Variants in TIAM1 observed in about 807,000 individuals in gnomAD.
TIAM1 encodes the protein rho guanine nucleotide exchange factor TIAM1.
A neutral mutation model predicts 163.5 loss-of-function variants in TIAM1; 65 were observed. The observed-to-expected ratio is 0.40, with a 90% CI of 0.33 to 0.49. TIAM1 has a LOEUF of 0.49. Ranked by LOEUF, TIAM1 falls within the 20% of genes least tolerant of loss-of-function variation. TIAM1 has a pLI of 0.77. For missense variants in TIAM1, 1,789 were observed against 2,044.7 expected, an observed-to-expected ratio of 0.87 and a Z score of 2.41; for synonymous variants, 833 against 810.1, an observed-to-expected ratio of 1.03 and a Z score of -0.48.
intron 23 of TIAM1, among the ~76,000 whole-genome samples, chr21:31,134,692 G>A (rs750792875): frequency 6.6e-5 from 10 of 152,078 alleles, no homozygotes; most frequent in Non-Finnish European, 1.2e-4. Context: ...TGTATTTTTA[G>A]TAAGGACGGG....
chr21:31,333,486 G>A (rs1293172229), intron 2 of TIAM1, among the ~76,000 whole-genome samples: 1 of 152,050 alleles, frequency 6.6e-6, no homozygotes, highest in African/African-American at 2.4e-5. Flanking sequence ...CTCCCAGGCC[G>A]GAGTGCAGTG....
At chr21:31,170,860 A>AC (rs1219025511) in intron 15 of TIAM1, among the ~76,000 whole-genome samples, 1 of 151,630 alleles carries the variant, frequency 6.6e-6, no homozygotes, top group Non-Finnish European at 1.5e-5. Flanking sequence ...ACATGGTGAA[A>AC]CCCCATCTCT....
At chr21:31,513,234 A>G (rs545506697) in intron 1 of TIAM1, among the ~76,000 whole-genome samples, 3 of 152,282 alleles carry the variant, frequency 2.0e-5, no homozygotes, top group African/African-American at 7.2e-5. Context: ...ATATTAACTC[A>G]TTTAATCCTC....
chr21:31,282,477 T>C (rs2073611753), intron 2 of TIAM1, among the ~76,000 whole-genome samples: 1 of 152,116 alleles, frequency 6.6e-6, no homozygotes, highest in Non-Finnish European at 1.5e-5. Context: ...CATGACTGAG[T>C]GGGGGTGACC....
intron 15 of TIAM1, among the ~76,000 whole-genome samples, chr21:31,174,003 C>T (rs1400564209): frequency 6.6e-6 from 1 of 152,154 alleles, no homozygotes; most frequent in African/African-American, 2.4e-5. Flanking sequence ...GTTTACGAGG[C>T]GCGCGTGTCT....
chr21:31,535,487 T>A (rs13050704), intron 1 of TIAM1, among the ~76,000 whole-genome samples: 24,050 of 151,664 alleles, frequency 0.16, 2,025 homozygotes, highest in Non-Finnish European at 0.18. Context: ...GGGCTCTGAT[T>A]CCTTAAATTA....
At chr21:31,274,214 CA>C (rs11398409) in intron 3 of TIAM1, among the ~76,000 whole-genome samples, 26 of 146,276 alleles carry the variant, frequency 1.8e-4, no homozygotes, top group South Asian at 8.7e-4. Flanking sequence ...GACTCCTTCT[CA>C]AAAAAAAAAG....
intron 1 of TIAM1, among the ~76,000 whole-genome samples, chr21:31,466,117 T>C (rs1202208908): frequency 6.6e-6 from 1 of 152,188 alleles, no homozygotes; most frequent in Non-Finnish European, 1.5e-5. Flanking sequence ...ATTCTGACAT[T>C]TTTTACAAAT....
At chr21:31,222,690 TATATATATATA>T in intron 8 of TIAM1, among the ~76,000 whole-genome samples, 1 of 35,212 alleles carries the variant, frequency 2.8e-5, no homozygotes, top group African/African-American at 1.5e-4. Flanking sequence ...TATATATATA[TATATATATATA>T]TATATATTTT....
At chr21:31,200,500 T>G (rs920460185) in intron 12 of TIAM1, among the ~76,000 whole-genome samples, 3 of 152,254 alleles carry the variant, frequency 2.0e-5, no homozygotes, top group African/African-American at 7.2e-5. Flanking sequence ...ATGTTTTAGC[T>G]GCTGCTAGTG....
chr21:31,176,200 T>G (rs935756500), intron 15 of TIAM1, among the ~76,000 whole-genome samples: 1 of 152,122 alleles, frequency 6.6e-6, no homozygotes, highest in Non-Finnish European at 1.5e-5. Context: ...TAGCCCAGAT[T>G]GTTAATATTG....
chr21:31,493,225 G>A lies in TIAM1; in HGVS notation c.-421-29190C>T, dbSNP rs2046533889. Among the ~76,000 whole-genome samples, 3 of 152,226 alleles carry A rather than the reference G, an allele frequency of 2.0e-5. No individual in the cohort carries two copies. The South Asian group carries it at 6.2e-4, about 31-fold the overall frequency. ...GAACTCTTTCTGGAAGGTGAGAAATGAGGGAAAGCATGAAGGAAGATGAAT... is the reference window on the plus strand; with the variant it reads ...GAACTCTTTCTGGAAGGTGAGAAATAAGGGAAAGCATGAAGGAAGATGAAT... On this transcript the variant is annotated intron_variant, in intron 1 of 28. Coordinates refer to the TIAM1 transcript ENST00000286827.
intron 5 of TIAM1, among the ~76,000 whole-genome samples, chr21:31,248,754 T>A (rs1162557686): frequency 6.6e-6 from 1 of 152,038 alleles, no homozygotes. Context: ...TGGGAACCCA[T>A]CAGGATGAAG....
intron 2 of TIAM1, among the ~76,000 whole-genome samples, chr21:31,438,945 C>A (rs1217097249): frequency 6.6e-6 from 1 of 152,192 alleles, no homozygotes; most frequent in Non-Finnish European, 1.5e-5. Context: ...AAATAATAAT[C>A]TAAATTGATC....
intron 2 of TIAM1, among the ~76,000 whole-genome samples, chr21:31,295,469 C>CAAAA (rs1215751004): frequency 0.014 from 952 of 65,806 alleles, 52 homozygotes; most frequent in African/African-American, 0.045. Flanking sequence ...GACTCCATCA[C>CAAAA]AAAAAAAAAA....
intron 2 of TIAM1, among the ~76,000 whole-genome samples, chr21:31,280,606 TG>T (rs1394112519): frequency 6.6e-6 from 1 of 152,170 alleles, no homozygotes; most frequent in Non-Finnish European, 1.5e-5. Context: ...ATGTGTGTAC[TG>T]GAAGTATTAC....
At chr21:31,268,645 T>C (rs2072907122) in intron 3 of TIAM1, among the ~76,000 whole-genome samples, 1 of 152,194 alleles carries the variant, frequency 6.6e-6, no homozygotes, top group African/African-American at 2.4e-5. Flanking sequence ...AATCTCTTTT[T>C]TACTAGGAGC....
chr21:31,490,647 C>G (rs1569379391), intron 1 of TIAM1, among the ~76,000 whole-genome samples: 1 of 152,184 alleles, frequency 6.6e-6, no homozygotes, highest in East Asian at 1.9e-4. Flanking sequence ...TGGGTTAGGG[C>G]TGGCCATGTG....
chr21:31,329,783 G>A (rs1806492599), intron 2 of TIAM1, among the ~76,000 whole-genome samples: 1 of 152,170 alleles, frequency 6.6e-6, no homozygotes, highest in African/African-American at 2.4e-5. Flanking sequence ...ACTTCAAGAA[G>A]TACTATAGGT....
Sources: allele counts gnomAD v4.1 joint callset (sites outside exome capture counted in the v4.1 genomes callset), GRCh38; gene constraint gnomAD v4.1.1; transcripts MANE v1.5; gene names NCBI Gene and HGNC (gene_info 2026-07-23, HGNC 2026-07-21).